AKAP13: variants seen among roughly 807,000 people sequenced by gnomAD.
AKAP13 encodes A-kinase anchoring protein 13.
Under a neutral mutation model 264.5 loss-of-function variants are expected in AKAP13, and 80 were observed. The observed-to-expected ratio is 0.30, with a 90% CI of 0.25 to 0.36. The LOEUF is 0.36. AKAP13 is among the 10% of genes least tolerant of loss of function. AKAP13 has a pLI of 1.00. For missense variants in AKAP13, 3,712 were observed against 3,435.2 expected (o/e 1.08, Z -2.01); for synonymous variants, 1,380 against 1,250.2 (o/e 1.10, Z -2.19).
At chr15:85,557,551 A>G (rs753668232) in intron 5 of AKAP13, among the ~76,000 whole-genome samples, 1 of 152,084 alleles carries the variant, frequency 6.6e-6, no homozygotes, top group Non-Finnish European at 1.5e-5. Context: ...TGGCCCAGTC[A>G]TGGCTCACTG....
At chr15:85,599,593 G>C (rs1355341181) in intron 8 of AKAP13, among the ~76,000 whole-genome samples, 1 of 152,190 alleles carries the variant, frequency 6.6e-6, no homozygotes, top group Admixed American at 6.5e-5. Flanking sequence ...AAGGGGGGAG[G>C]TGGGAAGCTC....
At chr15:85,567,944 GT>G (rs1178581341) in intron 5 of AKAP13, among the ~76,000 whole-genome samples, 15 of 85,340 alleles carry the variant, frequency 1.8e-4, no homozygotes, top group African/African-American at 5.6e-4. Flanking sequence ...CCAAAGAGGT[GT>G]GTGTGTGTGT....
At chr15:85,585,958 A>T in intron 8 of AKAP13, 135 bp downstream of exon 8, 1 of 1,212,456 alleles carries the variant, frequency 8.2e-7, no homozygotes, top group Non-Finnish European at 1.1e-6. Context: ...TTGTGCTGTT[A>T]TATAAATGTG....
At chr15:85,715,425 T>C (rs2086875198) in intron 19 of AKAP13, among the ~76,000 whole-genome samples, 1 of 152,204 alleles carries the variant, frequency 6.6e-6, no homozygotes, top group South Asian at 2.1e-4. Context: ...CAGGTATATC[T>C]TGTAAAATAA....
intron 8 of AKAP13, among the ~76,000 whole-genome samples, chr15:85,618,992 T>C (rs143775513): frequency 6.6e-6 from 1 of 152,308 alleles, no homozygotes; most frequent in Non-Finnish European, 1.5e-5. Context: ...GTATAGTGTA[T>C]GCTTTGGGTA....
intron 16 of AKAP13, among the ~76,000 whole-genome samples, chr15:85,686,218 G>C (rs577880314): frequency 1.8e-4 from 27 of 149,246 alleles, no homozygotes; most frequent in Middle Eastern, 3.5e-3. Context: ...GTATATACAT[G>C]TACATACAGA....
intron 1 of AKAP13, among the ~76,000 whole-genome samples, chr15:85,437,384 C>T (rs558810166): frequency 6.6e-6 from 1 of 152,314 alleles, no homozygotes; most frequent in East Asian, 1.9e-4. Context: ...TGAATTCTAC[C>T]AGAGACACAA....
intron 29 of AKAP13, among the ~76,000 whole-genome samples, chr15:85,728,629 C>T (rs1035250161): frequency 2.6e-5 from 4 of 152,084 alleles, no homozygotes; most frequent in Non-Finnish European, 5.9e-5. Flanking sequence ...CTCATCCTGC[C>T]TCTAGTAAGT....
In AKAP13 at chr15:85,638,647, T is replaced by A. The variant is rs1455476256; in HGVS notation, c.4162-727T>A. On this transcript the variant is annotated intron_variant, in intron 8 of 36. Transcript: ENST00000394518. ...AGAGGGTTGGGAGGTGTAAAGGCAA[T>A]ATTTAAATTTTTTTTAATTTGTGGG... Among the ~76,000 whole-genome samples, 5 of 152,100 alleles carry A rather than the reference T, an allele frequency of 3.3e-5. No homozygotes were observed. In the East Asian group the frequency reaches 9.6e-4, roughly 29 times the overall value.
At chr15:85,680,307 A>AT (rs569446404) in intron 14 of AKAP13, among the ~76,000 whole-genome samples, 43 of 149,950 alleles carry the variant, frequency 2.9e-4, no homozygotes, top group Middle Eastern at 3.5e-3. Flanking sequence ...TATCCTCTTG[A>AT]TTTTTTTTTT....
intron 5 of AKAP13, among the ~76,000 whole-genome samples, chr15:85,562,691 C>CTTTTTTTTTTTTTT (rs10598092): frequency 1.4e-4 from 14 of 100,520 alleles, no homozygotes; most frequent in South Asian, 6.5e-4. Flanking sequence ...CTTTTCTTTT[C>CTTTTTTTTTTTTTT]TTTTTTTTTT....
chr15:85,481,661 A>G (rs970597693), intron 1 of AKAP13, among the ~76,000 whole-genome samples: 2 of 152,222 alleles, frequency 1.3e-5, no homozygotes, highest in African/African-American at 2.4e-5. Flanking sequence ...AGCTGGCTTT[A>G]CTACTGAGTG....
intron 1 of AKAP13, among the ~76,000 whole-genome samples, chr15:85,439,941 G>C (rs1046236142): frequency 6.6e-6 from 1 of 150,496 alleles, no homozygotes; most frequent in African/African-American, 2.4e-5. Context: ...TGCACAATAT[G>C]CACATGTACC....
At chr15:85,740,136 C>G (rs1340307505) in intron 33 of AKAP13, 86 bp from the exon 34 acceptor site, 2 of 1,356,236 alleles carry the variant, frequency 1.5e-6, no homozygotes, top group African/African-American at 1.4e-5. Flanking sequence ...CTTAAAGGAG[C>G]CATCTTATCA....
At chr15:85,512,719 C>T (rs1386010622) in intron 2 of AKAP13, among the ~76,000 whole-genome samples, 1 of 152,130 alleles carries the variant, frequency 6.6e-6, no homozygotes, top group Non-Finnish European at 1.5e-5. Context: ...TCAGTCAGCC[C>T]CTCACCTGCA....
At chr15:85,522,607 T>C (rs999265618) in intron 3 of AKAP13, among the ~76,000 whole-genome samples, 32 of 152,134 alleles carry the variant, frequency 2.1e-4, no homozygotes, top group Non-Finnish European at 1.9e-4. Flanking sequence ...TACATTGTCC[T>C]CAGCCTCCCT....
At chr15:85,419,615 T>A (rs1234429464) in intron 1 of AKAP13, among the ~76,000 whole-genome samples, 1 of 152,180 alleles carries the variant, frequency 6.6e-6, no homozygotes, top group African/African-American at 2.4e-5. Flanking sequence ...CCAAGTTTAG[T>A]GAGTTTTTTT....
intron 9 of AKAP13, among the ~76,000 whole-genome samples, chr15:85,644,272 C>T (rs2082443170): frequency 6.6e-6 from 1 of 150,400 alleles, no homozygotes; most frequent in Non-Finnish European, 1.5e-5. Flanking sequence ...CTCTCTGTCA[C>T]CTAGGCTGGA....
chr15:85,453,991 T>C (rs1439606581), intron 1 of AKAP13, among the ~76,000 whole-genome samples: 4 of 152,198 alleles, frequency 2.6e-5, no homozygotes, highest in African/African-American at 9.7e-5. Context: ...AAGGCTGGAA[T>C]GGCAAAGATG....
Sources: allele counts gnomAD v4.1 joint callset (sites outside exome capture counted in the v4.1 genomes callset), GRCh38; gene constraint gnomAD v4.1.1; transcripts MANE v1.5; gene names NCBI Gene and HGNC (gene_info 2026-07-23, HGNC 2026-07-21).